The following VPS13A variants were observed in gnomAD, a reference collection of about 807,000 sequenced individuals.
VPS13A encodes vacuolar protein sorting 13 homolog A, also known as intermembrane lipid transfer protein VPS13A.
In VPS13A, 264 loss-of-function variants were observed where a neutral mutation model predicts 390.9. That is an observed-to-expected ratio of 0.68 (90% CI 0.61 to 0.75). The LOEUF is 0.75. VPS13A is among the 30% of genes least tolerant of loss of function. The pLI is 0.00. For synonymous variants in VPS13A, 1,231 were observed against 1,227.1 expected (o/e 1.00, Z -0.07); for missense variants, 3,409 against 3,733.9 (o/e 0.91, Z 2.27).
intron 68 of VPS13A, among the ~76,000 whole-genome samples, chr9:77,396,337 T>TA (rs755765463): frequency 9.3e-4 from 141 of 152,206 alleles, no homozygotes; most frequent in Non-Finnish European, 1.6e-3. Flanking sequence ...CAGTATAGCC[T>TA]ATACCTATGG....
At chr9:77,246,226 T>C (rs1186996401) in intron 19 of VPS13A, among the ~76,000 whole-genome samples, 1 of 152,198 alleles carries the variant, frequency 6.6e-6, no homozygotes, top group Non-Finnish European at 1.5e-5. Flanking sequence ...ACAGAAGGTA[T>C]TTTAATTACT....
chr9:77,293,510 T>C lies in VPS13A; in HGVS notation c.3507+2T>C. On this transcript the variant is annotated splice_donor_variant, in intron 32 of 71. Coordinates refer to ENST00000360280, the MANE Select transcript of VPS13A (RefSeq NM_033305.3). LOFTEE classifies it high-confidence loss of function. ...ACGAAATTTCTATATTCTATATTGG[T>C]AAGTATTTTATTAAATTATTATTTA... 1 of 1,454,098 alleles carries C rather than the reference T, an allele frequency of 6.9e-7. No homozygotes were observed. The allele number at this position is 1,454,098 out of a possible 1,614,324, so 90.1% of individuals were successfully genotyped here.
At chr9:77,301,131 A>G (rs1828326814) in intron 33 of VPS13A, among the ~76,000 whole-genome samples, 1 of 152,228 alleles carries the variant, frequency 6.6e-6, no homozygotes, top group South Asian at 2.1e-4. Flanking sequence ...TTGACATAAC[A>G]GTTTTCTTTC....
intron 31 of VPS13A, among the ~76,000 whole-genome samples, chr9:77,288,405 T>C (rs1047542947): frequency 4.6e-5 from 7 of 152,228 alleles, no homozygotes; most frequent in African/African-American, 1.7e-4. Context: ...AAGCATTTGC[T>C]GCTATAAATT....
chr9:77,207,258 G>A (rs546551983), intron 5 of VPS13A, among the ~76,000 whole-genome samples: 4 of 50,446 alleles, frequency 7.9e-5, no homozygotes, highest in Non-Finnish European at 1.0e-4. Context: ...TATATAAAAC[G>A]TGTTATATGT....
At chr9:77,355,175 A>G (rs528909348) in intron 54 of VPS13A, among the ~76,000 whole-genome samples, 2 of 152,184 alleles carry the variant, frequency 1.3e-5, no homozygotes, top group South Asian at 2.1e-4. Flanking sequence ...TTCTCCAACT[A>G]TTTTTCATCC....
chr9:77,299,043 A>C (rs946325522), intron 33 of VPS13A, among the ~76,000 whole-genome samples: 1 of 152,026 alleles, frequency 6.6e-6, no homozygotes, highest in Non-Finnish European at 1.5e-5. Flanking sequence ...TTGTTTTTTC[A>C]GGTTTGTCAA....
At chr9:77,349,610 T>C (rs1029213898) in intron 52 of VPS13A, among the ~76,000 whole-genome samples, 3 of 152,166 alleles carry the variant, frequency 2.0e-5, no homozygotes, top group African/African-American at 4.8e-5. Context: ...TCAACTTTTA[T>C]AATTTTAGAA....
intron 23 of VPS13A, 104 bp downstream of exon 23, chr9:77,260,328 T>C (rs1825684196): frequency 2.3e-6 from 3 of 1,301,844 alleles, no homozygotes; most frequent in East Asian, 2.4e-5. Flanking sequence ...GCAATTTGTT[T>C]TGAATAGACA....
intron 33 of VPS13A, among the ~76,000 whole-genome samples, chr9:77,300,173 T>C (rs1340491206): frequency 6.6e-6 from 1 of 152,208 alleles, no homozygotes; most frequent in Non-Finnish European, 1.5e-5. Context: ...TTATTTTGAG[T>C]GCATAAATTT....
chr9:77,261,649 A>G (rs1412225536), intron 23 of VPS13A, among the ~76,000 whole-genome samples: 1 of 151,832 alleles, frequency 6.6e-6, no homozygotes, highest in African/African-American at 2.4e-5. Flanking sequence ...CAGTGGCACA[A>G]CCTTGGCTCA....
chr9:77,346,456 T>C (rs1451109933), intron 52 of VPS13A, among the ~76,000 whole-genome samples: 1 of 152,210 alleles, frequency 6.6e-6, no homozygotes. Flanking sequence ...TTTGCAAATA[T>C]TTTCTCCCAT....
chr9:77,252,153 T>C (rs1825178993), intron 21 of VPS13A, 82 bp from the exon 22 acceptor site: 2 of 1,107,782 alleles, frequency 1.8e-6, no homozygotes, highest in Non-Finnish European at 2.8e-6. Flanking sequence ...TATAATGGAA[T>C]GTGTGACTAT....
chr9:77,206,810 T>A (rs1030407226), intron 5 of VPS13A, among the ~76,000 whole-genome samples: 3 of 152,186 alleles, frequency 2.0e-5, no homozygotes. Flanking sequence ...CATCTTAAAA[T>A]TAAAAAGTTT....
rs2131201012 is a variant in VPS13A at position 77,228,253 on chromosome 9, A to G, written c.1584A>G (p.Ala528=). 2 of 1,596,426 alleles carry G rather than the reference A, an allele frequency of 1.3e-6. No homozygotes were observed. The highest frequency in any genetic ancestry group is 1.1e-5 in the South Asian group (1 of 88,342). ...CCTTAATTGTGCAAAGACCAGGAGCACAAGCAATAAAGTAAGTATTAATTT... is the reference window on the plus strand; with the variant it reads ...CCTTAATTGTGCAAAGACCAGGAGCGCAAGCAATAAAGTAAGTATTAATTT... ...FSTLIVQRPG[A]QAIKFETKID... The change falls in exon 17 of 72, where the codon GCA becomes GCG. Residue 528 remains alanine, a synonymous_variant. Coordinates refer to ENST00000360280, the MANE Select transcript of VPS13A (RefSeq NM_033305.3).
intron 10 of VPS13A, among the ~76,000 whole-genome samples, chr9:77,218,708 A>G (rs866907723): frequency 6.7e-6 from 1 of 148,824 alleles, no homozygotes; most frequent in South Asian, 2.1e-4. Flanking sequence ...TGCAGGCCAT[A>G]TACAGTTCCT....
chr9:77,379,324 T>C (rs1833301998), intron 67 of VPS13A, among the ~76,000 whole-genome samples: 1 of 151,072 alleles, frequency 6.6e-6, no homozygotes, highest in Non-Finnish European at 1.5e-5. Context: ...CACCGCAACC[T>C]CCGCCTCCCA....
intron 27 of VPS13A, among the ~76,000 whole-genome samples, chr9:77,281,045 C>A (rs1269350729): frequency 6.6e-6 from 1 of 151,976 alleles, no homozygotes; most frequent in Non-Finnish European, 1.5e-5. Context: ...AAGACAAATA[C>A]CTCATGATCT....
At chr9:77,253,482 T>G (rs1193327827) in intron 22 of VPS13A, among the ~76,000 whole-genome samples, 2 of 151,836 alleles carry the variant, frequency 1.3e-5, no homozygotes, top group Non-Finnish European at 1.5e-5. Flanking sequence ...ATTTTTTGGG[T>G]TTTTGGTAGG....
Sources: allele counts gnomAD v4.1 joint callset (sites outside exome capture counted in the v4.1 genomes callset), GRCh38; gene constraint gnomAD v4.1.1; transcripts MANE v1.5; gene names NCBI Gene and HGNC (gene_info 2026-07-23, HGNC 2026-07-21).